The following STRAP variants were observed in gnomAD, a reference collection of about 807,000 sequenced individuals.
The protein encoded by STRAP is serine/threonine kinase receptor associated protein.
A neutral mutation model predicts 47.0 loss-of-function variants in STRAP; 16 were observed. The ratio of observed to expected loss-of-function variants is 0.34; its 90% CI spans 0.23 to 0.52. The LOEUF (loss-of-function observed/expected upper bound fraction) is 0.52. STRAP is among the 20% of genes least tolerant of loss of function. The pLI is 0.96. For missense variants in STRAP, 293 were observed against 420.0 expected, an observed-to-expected ratio of 0.70 and a Z score of 2.64; for synonymous variants, 130 against 142.7, an observed-to-expected ratio of 0.91 and a Z score of 0.63.
chr12:15,883,414 G>T, intron 1 of STRAP, 127 bp from the exon 2 acceptor site: 1 of 1,043,510 alleles, frequency 9.6e-7, no homozygotes. Flanking sequence ...TCAGTGGGTG[G>T]TGGTAGTTAA....
intron 2 of STRAP, among the ~76,000 whole-genome samples, chr12:15,889,199 C>T (rs998866651): frequency 1.3e-5 from 2 of 152,056 alleles, no homozygotes; most frequent in Admixed American, 1.3e-4. Flanking sequence ...CTATTACCCG[C>T]CCAGAATATA....
intron 8 of STRAP, among the ~76,000 whole-genome samples, chr12:15,900,294 G>A (rs1948092828): frequency 6.6e-6 from 1 of 151,998 alleles, no homozygotes; most frequent in African/African-American, 2.4e-5. Context: ...CACTTTGGGA[G>A]GCTGAGGCGG....
At chr12:15,900,520 C>CAAA (rs397823926) in intron 8 of STRAP, among the ~76,000 whole-genome samples, 3 of 102,240 alleles carry the variant, frequency 2.9e-5, no homozygotes, top group African/African-American at 6.9e-5. Context: ...GACTCAGTCT[C>CAAA]AAAAAAAAAA....
intron 4 of STRAP, 136 bp from the exon 5 acceptor site, chr12:15,893,911 T>G: frequency 1.5e-6 from 1 of 670,632 alleles, no homozygotes; most frequent in Non-Finnish European, 2.6e-6. Context: ...AAACATCAAG[T>G]TTGAATTGGG....
At chr12:15,901,451 C>T (rs1268181823) in intron 9 of STRAP, among the ~76,000 whole-genome samples, 1 of 152,006 alleles carries the variant, frequency 6.6e-6, no homozygotes, top group Non-Finnish European at 1.5e-5. Flanking sequence ...ACTAAAAGTT[C>T]AGAACCAAAA....
At position 15,891,772 on chromosome 12, in the gene STRAP, A is replaced by G. The variant is rs917633783; in HGVS notation, c.403+1103A>G. 3.9e-5 allele frequency among the ~76,000 whole-genome samples: 6 copies of G among 152,012 alleles called. 1 individual carries two copies. The highest frequency in any genetic ancestry group is 3.3e-4 in the Admixed American group (5 of 15,250). ...AGCCTGGCCAACATGGTGAAACCCC[A>G]TCTCTACTAAAAGTACAAAAAAATT... On this transcript the variant is annotated intron_variant, in intron 4 of 9. Coordinates refer to ENST00000419869, the MANE Select transcript of STRAP (RefSeq NM_007178.4).
chr12:15,893,453 CATATA>C (rs1179701950), intron 4 of STRAP, among the ~76,000 whole-genome samples: 1 of 146,028 alleles, frequency 6.8e-6, no homozygotes, highest in African/African-American at 2.5e-5. Context: ...ATTTATTATA[CATATA>C]ATAAATATAT....
rs1169257568 is a variant in STRAP at position 15,900,871 on chromosome 12, T to A, written c.926-76T>A. The stretch of plus-strand genomic sequence containing the variant: ...TTTTCCTGGAATAGTCTTATGTTGC[T>A]CTTCTTGCTTATTGAACACTGGAAA... On this transcript the variant is annotated intron_variant, in intron 8 of 9. Transcript: ENST00000419869. 1.7e-5 allele frequency: 20 copies of A among 1,211,944 alleles called. No homozygotes were observed. In the East Asian group the frequency reaches 5.3e-4, roughly 32 times the overall value. The allele number at this position is 1,211,944 out of a possible 1,614,324, so 75.1% of individuals were successfully genotyped here.
intron 4 of STRAP, among the ~76,000 whole-genome samples, chr12:15,892,937 A>G (rs114032174): frequency 0.02 from 3,027 of 152,338 alleles, 101 homozygotes; most frequent in African/African-American, 0.07. Context: ...TGCTGGCAGC[A>G]GAAAATAAAA....
intron 6 of STRAP, 137 bp from the exon 7 acceptor site, chr12:15,897,745 T>G (rs1948072291): frequency 7.1e-6 from 4 of 566,074 alleles, no homozygotes; most frequent in Non-Finnish European, 1.1e-5. Flanking sequence ...TAACAGCTTT[T>G]TTTACATCAG....
intron 9 of STRAP, among the ~76,000 whole-genome samples, chr12:15,901,904 C>G (rs1565578186): frequency 6.8e-6 from 1 of 147,262 alleles, no homozygotes; most frequent in African/African-American, 2.5e-5. Context: ...GTTGCACGTA[C>G]AAAGAATTGG....
At chr12:15,900,910 G>A (rs768052969) in intron 8 of STRAP, 37 bp from the exon 9 acceptor site, 2 of 1,535,382 alleles carry the variant, frequency 1.3e-6, no homozygotes, top group South Asian at 1.3e-5. Flanking sequence ...CTTTAATAGT[G>A]TAAGTCATAT....
intron 2 of STRAP, 138 bp downstream of exon 2, chr12:15,883,814 A>G: frequency 8.2e-7 from 1 of 1,214,918 alleles, no homozygotes; most frequent in Non-Finnish European, 1.1e-6. Flanking sequence ...TCCCACCAAA[A>G]TTCCATCGTG....
rs1313006592 is a variant in STRAP, at chr12:15,890,747, G to C, written c.403+78G>C. ...AACTGATTAAAGAATTTCATGCTCA[G>C]TACTCAAATTTGGAAAATAAAGATA... On this transcript the variant is annotated intron_variant, in intron 4 of 9. Transcript: ENST00000419869. This position sits in a 1 kb window ranked among gnomAD's most constrained non-coding sequence, Gnocchi z 4.5. 2.4e-5 allele frequency: 31 copies of C among 1,305,294 alleles called. No homozygotes were observed. Among genetic ancestry groups the C allele is most frequent in the Non-Finnish European group, 3.2e-5 (30 of 933,406 alleles). The allele number at this position is 1,305,294 out of a possible 1,614,324, so 80.9% of individuals were successfully genotyped here.
intron 2 of STRAP, among the ~76,000 whole-genome samples, chr12:15,888,699 A>G (rs1476936039): frequency 6.6e-6 from 1 of 152,022 alleles, no homozygotes; most frequent in Non-Finnish European, 1.5e-5. Flanking sequence ...TTTCTGGACA[A>G]TATCTAGGTG....
chr12:15,902,514 A>C (rs1948113629), intron 9 of STRAP, among the ~76,000 whole-genome samples: 1 of 152,220 alleles, frequency 6.6e-6, no homozygotes, highest in Admixed American at 6.5e-5. Context: ...CCTTCTTGCT[A>C]AAACAATGTT....
chr12:15,886,284 G>A (rs1947972212), intron 2 of STRAP, among the ~76,000 whole-genome samples: 1 of 151,758 alleles, frequency 6.6e-6, no homozygotes, highest in Non-Finnish European at 1.5e-5. Flanking sequence ...CTATCTCCCA[G>A]TCTCAAGCAG....
At position 15,900,739 on chromosome 12, in the gene STRAP, C is replaced by G. The variant is rs78161785; in HGVS notation, c.926-208C>G. On this transcript the variant is annotated intron_variant, in intron 8 of 9. Coordinates refer to ENST00000419869, the MANE Select transcript of STRAP (RefSeq NM_007178.4). ...AATAAAAAATACCTAGTTACTAATC[C>G]CTAAGTAGTTGCAGTATGAACCTAA... Among the ~76,000 whole-genome samples, 26 of 152,082 alleles carry G rather than the reference C, an allele frequency of 1.7e-4. No individual in the cohort carries two copies. The East Asian group carries it at 5.0e-3, about 29-fold the overall frequency.
chr12:15,890,381 G>A lies in STRAP; in HGVS notation c.331-216G>A, dbSNP rs1166859461. ...GAATGGGAGAGTTCATGTATATGTA[G>A]TGTAGTGTAACGCTTTTGAAGTGGA... On this transcript the variant is annotated intron_variant, in intron 3 of 9. Transcript: ENST00000419869. This position sits in a 1 kb window ranked among gnomAD's most constrained non-coding sequence, Gnocchi z 4.5. Among the ~76,000 whole-genome samples the A allele has an allele frequency of 6.6e-6, 1 of 152,204 alleles. No individual in the cohort carries two copies. The highest frequency in any genetic ancestry group is 2.4e-5 in the African/African-American group (1 of 41,458).
Sources: gnomAD v4.1 joint callset for allele counts (sites outside exome capture counted in the v4.1 genomes callset) on GRCh38, gnomAD v4.1.1 for gene constraint, Gnocchi (gnomAD v3.1) non-coding constraint, MANE v1.5 for transcripts, NCBI Gene and HGNC (gene_info 2026-07-23, HGNC 2026-07-21) for gene names.